The following CSRNP1 variants were observed in gnomAD, a reference collection of about 807,000 sequenced individuals.
CSRNP1 encodes the protein cysteine and serine rich nuclear protein 1.
In CSRNP1, 8 loss-of-function variants were observed where a neutral mutation model predicts 25.0. That is an observed-to-expected ratio of 0.32 (90% confidence interval 0.19 to 0.58). The LOEUF (loss-of-function observed/expected upper bound fraction) is 0.58, where lower values mean the gene tolerates loss of function less well. CSRNP1 is among the 20% of genes least tolerant of loss of function. The pLI is 0.88. For missense variants in CSRNP1, 691 were observed against 773.1 expected (o/e 0.89, Z 1.26); for synonymous variants, 305 against 303.1 (o/e 1.01, Z -0.06).
intron 1 of CSRNP1, chr3:39,152,720 G>T (rs1299422519): frequency 6.5e-6 from 1 of 154,214 alleles, no homozygotes; most frequent in Non-Finnish European, 1.4e-5. Flanking sequence ...ATGGGCCCCG[G>T]GGAGGAGAAA....
At chr3:39,152,215 T>TA (rs2039590571) in intron 1 of CSRNP1, 1 of 151,656 alleles carries the variant, frequency 6.6e-6, no homozygotes. Flanking sequence ...TCCGCATGGG[T>TA]AAGGAACAGG....
intron 2 of CSRNP1, 30 bp from the exon 3 acceptor site, chr3:39,145,286 T>C (rs776602136): frequency 2.6e-6 from 4 of 1,536,184 alleles, no homozygotes; most frequent in Non-Finnish European, 3.5e-6. Flanking sequence ...GGGCTGGGGA[T>C]TAGTTTTCAG....
In CSRNP1 at chr3:39,146,478, G is replaced by T; in HGVS notation, c.205C>A (p.Pro69Thr). ...RDFCGPRSFT[P>T]LSILKRARRE... ...AGTTCCCAGGGGAGGGAGTACTCAC[G>T]GGTGAAACTTCTGGGGCCGCAGAAG... The change falls in exon 2 of 5, where the codon CCC becomes ACC. Residue 69 changes from proline (P) to threonine (T), a missense_variant and splice_region_variant. Transcript: ENST00000273153. 6.5e-7 allele frequency: 1 copy of T among 1,537,984 alleles called. No individual in the cohort carries two copies. The highest frequency in any genetic ancestry group is 8.8e-7 in the Non-Finnish European group (1 of 1,139,522).
chr3:39,142,948 G>A lies in CSRNP1; in HGVS notation c.*107C>T, dbSNP rs1188378738. 4 of 1,293,386 alleles carry A rather than the reference G, an allele frequency of 3.1e-6. No individual in the cohort carries two copies. In the African/African-American group the frequency reaches 5.9e-5, roughly 19 times the overall value. 80.1% of individuals were successfully genotyped at this position (1,293,386 alleles called of 1,614,324 possible). On this transcript the variant is annotated 3_prime_UTR_variant, in exon 5 of 5. Coordinates refer to ENST00000273153, the MANE Select transcript of CSRNP1 (RefSeq NM_033027.4). ...AACCAGGAGTGTGCACATGGCACCT[G>A]TGGGTGAGCCAGCCAGTGGGAGACT...
chr3:39,143,586 G>A lies in CSRNP1; in HGVS notation c.1239C>T (p.Ser413=), dbSNP rs1274957. ...GGEEEEEEEG[S]VGNLDNLSCF... is the part of the protein sequence containing the mutation. ...AGCTGAGGTTGTCCAGGTTCCCCACGCTCCCTTCCTCCTCTTCCTCCTCCT... is the reference window on the plus strand; with the variant it reads ...AGCTGAGGTTGTCCAGGTTCCCCACACTCCCTTCCTCCTCTTCCTCCTCCT... The change falls in exon 5 of 5, where the codon AGC becomes AGT. Residue 413 remains serine (S), a synonymous_variant. Coordinates refer to ENST00000273153, the MANE Select transcript of CSRNP1 (RefSeq NM_033027.4). The A allele has an allele frequency of 0.63, 1,024,658 of 1,613,728 alleles. 334,646 individuals are homozygous for A. Among genetic ancestry groups the A allele is most frequent in the Non-Finnish European group, 0.66 (784,014 of 1,179,856 alleles).
chr3:39,147,409 C>A (rs2039530964), intron 1 of CSRNP1, among the ~76,000 whole-genome samples: 1 of 152,142 alleles, frequency 6.6e-6, no homozygotes, highest in Admixed American at 6.5e-5. Context: ...AACAGGCTGG[C>A]TTTGACGTTG....
chr3:39,153,408 C>T, intron 1 of CSRNP1, 30 bp downstream of exon 1: 1 of 275,596 alleles, frequency 3.6e-6, no homozygotes, highest in South Asian at 2.4e-5. Flanking sequence ...AAGTCCCGTC[C>T]TGCCGGGCCC....
rs578159321 is a variant in CSRNP1, at chr3:39,147,596, G to A, written c.-40-874C>T. 5.9e-5 allele frequency among the ~76,000 whole-genome samples: 9 copies of A among 152,122 alleles called. No homozygotes were observed. In the South Asian group the frequency reaches 1.7e-3, roughly 28 times the overall value. ...ATCTCATTTGATCCTAATGTCCAAAGTCTCTCCTGTCTGTGGCTTCGTGAC... is the reference window on the plus strand; with the variant it reads ...ATCTCATTTGATCCTAATGTCCAAAATCTCTCCTGTCTGTGGCTTCGTGAC... On this transcript the variant is annotated intron_variant, in intron 1 of 4. Coordinates refer to ENST00000273153, the MANE Select transcript of CSRNP1 (RefSeq NM_033027.4).
rs992965165 is a variant in CSRNP1, at chr3:39,142,807, G to A, written c.*248C>T. On this transcript the variant is annotated 3_prime_UTR_variant, in exon 5 of 5. Coordinates refer to ENST00000273153, the MANE Select transcript of CSRNP1 (RefSeq NM_033027.4). ...CCAGGCTCACGTTGTGGAGATAGAA[G>A]AGCAAGCTGTGGGTGTGGGGGGCCG... 5.0e-6 allele frequency: 2 copies of A among 396,304 alleles called. No individual in the cohort carries two copies. Among genetic ancestry groups the A allele is most frequent in the Non-Finnish European group, 9.0e-6 (2 of 221,510 alleles). The allele number at this position is 396,304 out of a possible 1,614,324, so 24.5% of individuals were successfully genotyped here. A position where few individuals can be genotyped will look rare whatever the true frequency, so the allele number is the denominator to read the frequency against.
chr3:39,149,199 G>A (rs575830667), intron 1 of CSRNP1: 1 of 151,858 alleles, frequency 6.6e-6, no homozygotes, highest in South Asian at 2.1e-4. Flanking sequence ...AGTGAAAGAA[G>A]GCAGACACGA....
chr3:39,142,952 G>T lies in CSRNP1; in HGVS notation c.*103C>A. On this transcript the variant is annotated 3_prime_UTR_variant, in exon 5 of 5. Transcript: ENST00000273153. ...AGGAGTGTGCACATGGCACCTGTGG[G>T]TGAGCCAGCCAGTGGGAGACTGTTA... The T allele has an allele frequency of 7.4e-7, 1 of 1,346,352 alleles. No homozygotes were observed. The allele number at this position is 1,346,352 out of a possible 1,614,324, so 83.4% of individuals were successfully genotyped here.
Position 39,143,879 on chromosome 3 carries a change from C to T in CSRNP1, c.946G>A (p.Ala316Thr). 1.2e-6 allele frequency: 2 copies of T among 1,614,194 alleles called. No individual in the cohort carries two copies. Among genetic ancestry groups the T allele is most frequent in the South Asian group, 2.2e-5 (2 of 91,090 alleles). Residue 316 changes from alanine to threonine, a missense_variant, in exon 5 of 5, where the codon GCC (alanine) becomes ACC (threonine). Transcript: ENST00000273153. Reference sequence around the variant, plus strand: ...CCAGGGCTGGGTGGGCTGCCCTGGGCAGGGGCCTCCAGCTCCCTAAAGCTC... The same window carrying T: ...CCAGGGCTGGGTGGGCTGCCCTGGGTAGGGGCCTCCAGCTCCCTAAAGCTC... ...AESFRELEAP[A>T]QGSPPSPGEE...
At position 39,143,336 on chromosome 3, in the gene CSRNP1, G is replaced by A; in HGVS notation, c.1489C>T (p.Leu497Phe). ...MDAGRSSSVD[L>F]SLSSCDSFEL... The stretch of plus-strand genomic sequence containing the variant: ...AAGGAGTCACAAGAAGACAAGCTGA[G>A]ATCCACTGAGCTACTCCGGCCAGCG... Residue 497 changes from leucine to phenylalanine, a missense_variant, in exon 5 of 5, where the codon CTC (leucine) becomes TTC (phenylalanine). Leu to Phe is a conservative substitution (Grantham distance 22). Transcript: ENST00000273153. 1 of 1,614,196 alleles carries A rather than the reference G, an allele frequency of 6.2e-7. No homozygotes were observed. The highest frequency in any genetic ancestry group is 1.1e-5 in the South Asian group (1 of 91,086).
intron 2 of CSRNP1, among the ~76,000 whole-genome samples, chr3:39,146,226 C>A (rs961096530): frequency 6.6e-6 from 1 of 152,154 alleles, no homozygotes; most frequent in African/African-American, 2.4e-5. Context: ...AGGGGCCAGA[C>A]CGGGAAGGCC....
intron 3 of CSRNP1, 24 bp from the exon 4 acceptor site, chr3:39,144,475 G>GT: frequency 1.9e-6 from 3 of 1,579,650 alleles, no homozygotes; most frequent in Non-Finnish European, 2.6e-6. Context: ...AAAGAGGGAT[G>GT]TAAGAAGCAC....
At chr3:39,146,370 AT>A in intron 2 of CSRNP1, 107 bp downstream of exon 2, 1 of 1,356,834 alleles carries the variant, frequency 7.4e-7, no homozygotes, top group East Asian at 2.5e-5. Flanking sequence ...AGCTACCGCC[AT>A]GGGGACCTAA....
At chr3:39,146,337 AC>A in intron 2 of CSRNP1, 140 bp downstream of exon 2, 1 of 1,047,314 alleles carries the variant, frequency 9.5e-7, no homozygotes, top group Non-Finnish European at 1.3e-6. Context: ...ACACTGAGTG[AC>A]CACTATATTA....
chr3:39,152,382 C>G (rs2039595698), intron 1 of CSRNP1: 1 of 152,702 alleles, frequency 6.5e-6, no homozygotes, highest in African/African-American at 2.4e-5. Context: ...GGCTCAGCAC[C>G]GGGAGTGGAG....
chr3:39,145,478 C>G (rs1012098199), intron 2 of CSRNP1, among the ~76,000 whole-genome samples: 1 of 152,214 alleles, frequency 6.6e-6, no homozygotes, highest in Non-Finnish European at 1.5e-5. Context: ...TTGTTATTTA[C>G]CAGTCCAAAT....
Sources: gnomAD v4.1 joint callset for allele counts (sites outside exome capture counted in the v4.1 genomes callset) on GRCh38, gnomAD v4.1.1 for gene constraint, MANE v1.5 for transcripts, NCBI Gene and HGNC (gene_info 2026-07-23, HGNC 2026-07-21) for gene names.